Variants in VWA5B2 observed in about 807,000 individuals in gnomAD.
VWA5B2 encodes the protein von Willebrand factor A domain containing 5B2.
In VWA5B2, 93 loss-of-function variants were observed where a neutral mutation model predicts 118.5. That is an observed-to-expected ratio of 0.79 (90% CI 0.66 to 0.93). VWA5B2 has a LOEUF of 0.93. Among genes scored for constraint, VWA5B2 ranks in the 40% least tolerant of loss-of-function variants. The pLI is 0.00. For missense variants in VWA5B2, 1,546 were observed against 1,672.8 expected (o/e 0.92, Z 1.32); for synonymous variants, 708 against 716.3 (o/e 0.99, Z 0.19).
rs899414146 is a variant in VWA5B2 at position 184,230,520 on chromosome 3, C to T, written c.-9C>T. 6 of 1,460,988 alleles carry T rather than the reference C, an allele frequency of 4.1e-6. No individual in the cohort carries two copies. The highest frequency in any genetic ancestry group is 4.8e-4 in the Middle Eastern group (2 of 4,180). 90.5% of individuals were successfully genotyped at this position (1,460,988 alleles called of 1,614,324 possible). ...CGGCCCGTTCCCGCAGGGCCGGCCT[C>T]CCGGCGCCATGCCCGGCCTGTACTG... On this transcript the variant is annotated 5_prime_UTR_variant, in exon 2 of 20. Coordinates refer to ENST00000691901, the MANE Select transcript of VWA5B2 (RefSeq NM_001390846.1).
Position 184,241,728 on chromosome 3 carries a change from T to A in VWA5B2, c.3419T>A (p.Val1140Glu). The A allele has an allele frequency of 6.7e-7, 1 of 1,495,840 alleles. No individual in the cohort carries two copies. Among genetic ancestry groups the A allele is most frequent in the African/African-American group, 1.4e-5 (1 of 72,114 alleles). 92.7% of individuals were successfully genotyped at this position (1,495,840 alleles called of 1,614,324 possible). ...TCGGGCTCTGAGGGGCCAGGCCAGGTGGACAGTGGGCGGGGCTCAGACACC... is the reference window on the plus strand; with the variant it reads ...TCGGGCTCTGAGGGGCCAGGCCAGGAGGACAGTGGGCGGGGCTCAGACACC... Reference protein sequence around the residue: ...PSSGSEGPGQVDSGRGSDTEA... With the variant: ...PSSGSEGPGQEDSGRGSDTEA... Residue 1140 changes from valine to glutamate, a missense_variant, in exon 20 of 20, where the codon GTG becomes GAG. Physicochemically the swap from Val to Glu is moderately radical, Grantham distance 121 (BLOSUM62 -2). Around this residue, in one of 3 missense-constraint regions of VWA5B2, gnomAD observed 763 missense variants for 766.6 expected, o/e 1.00. Coordinates refer to ENST00000691901, the MANE Select transcript of VWA5B2 (RefSeq NM_001390846.1). This position sits in a 1 kb window ranked among gnomAD's most constrained non-coding sequence, Gnocchi z 5.1.
In VWA5B2 at chr3:184,234,267, C is replaced by T. The variant is rs779132754; in HGVS notation, c.690C>T (p.Gly230=). ...CCTTCCTGCCTCTATGTCCCTCAGG[C>T]CTGGAGAGCCCCTCTCATGCTCTGC... ...MLVTGPCLLA[G]LESPSHALRA... Residue 230 remains glycine, a splice_region_variant and synonymous_variant, in exon 6 of 20, where the codon GGC becomes GGT. Coordinates refer to ENST00000691901, the MANE Select transcript of VWA5B2 (RefSeq NM_001390846.1). 48 of 1,551,548 alleles carry T rather than the reference C, an allele frequency of 3.1e-5. No individual in the cohort carries two copies. The highest frequency in any genetic ancestry group is 3.5e-5 in the Non-Finnish European group (40 of 1,146,996).
rs1664368915 is a variant in VWA5B2 at position 184,239,754 on chromosome 3, GCT to G, written c.2459_2460del (p.Ala820GlyfsTer4). On this transcript the variant is annotated frameshift_variant, in exon 16 of 20. Coordinates refer to ENST00000691901, the MANE Select transcript of VWA5B2 (RefSeq NM_001390846.1). LOFTEE classifies it high-confidence loss of function. The surrounding 1 kb of genome is among the most constrained non-coding windows in gnomAD (Gnocchi z 5.1). ...GATGGAACCACCCTTCTTATTCACG[GCT>G]GTGCCTCCTAGTGGGGAGTTGGCCC... is the stretch of plus-strand genomic sequence containing the variant. ...MLMEPPFLFTAVPPSGELAPP... is the reference protein window; with the variant it reads ...MLMEPPFLFTXVPPSGELAPP... 6.6e-7 allele frequency: 1 copy of G among 1,520,574 alleles called. No individual in the cohort carries two copies. The highest frequency in any genetic ancestry group is 1.3e-5 in the South Asian group (1 of 79,836). 94.2% of individuals were successfully genotyped at this position (1,520,574 alleles called of 1,614,324 possible). A position where few individuals can be genotyped will look rare whatever the true frequency, so the allele number is the denominator to read the frequency against.
In VWA5B2 at chr3:184,241,622, G is replaced by C; in HGVS notation, c.3313G>C (p.Ala1105Pro). ...VHRASLSPTS[A>P]SLPWALLGPG... ...CCGCGCCAGCCTCAGCCCCACCTCG[G>C]CCTCATTGCCCTGGGCACTTCTGGG... is the stretch of plus-strand genomic sequence containing the variant. The change falls in exon 20 of 20, where the codon GCC becomes CCC. Residue 1105 changes from alanine to proline, a missense_variant. This residue lies in a region of VWA5B2 where 763 missense variants were observed against 766.6 expected (regional missense o/e 1.00). Coordinates refer to ENST00000691901, the MANE Select transcript of VWA5B2 (RefSeq NM_001390846.1). This position sits in a 1 kb window ranked among gnomAD's most constrained non-coding sequence, Gnocchi z 5.1. 1 of 1,542,020 alleles carries C rather than the reference G, an allele frequency of 6.5e-7. No individual in the cohort carries two copies. The highest frequency in any genetic ancestry group is 2.4e-5 in the East Asian group (1 of 40,898).
chr3:184,242,145 G>C lies in VWA5B2; in HGVS notation c.*107G>C. On this transcript the variant is annotated 3_prime_UTR_variant, in exon 20 of 20. Coordinates refer to ENST00000691901, the MANE Select transcript of VWA5B2 (RefSeq NM_001390846.1). ...GGAAAGTGTAGGCTGGTGCCAGCCT[G>C]TCCCCCACTGCTTCTTACTCCCTCC... 1 of 1,345,078 alleles carries C rather than the reference G, an allele frequency of 7.4e-7. No individual in the cohort carries two copies. Among genetic ancestry groups the C allele is most frequent in the Non-Finnish European group, 1.0e-6 (1 of 991,256 alleles). 83.3% of individuals were successfully genotyped at this position (1,345,078 alleles called of 1,614,324 possible).
In VWA5B2 at chr3:184,230,930, C is replaced by G; in HGVS notation, c.310+13C>G. ...CGCTGCGCGCAGGGTGAGTTCCGCG[C>G]GCCCGCACCCGCGCTCCTGAAAGCC... is the stretch of plus-strand genomic sequence containing the variant. On this transcript the variant is annotated intron_variant, in intron 3 of 19. Coordinates refer to ENST00000691901, the MANE Select transcript of VWA5B2 (RefSeq NM_001390846.1). The G allele has an allele frequency of 8.3e-7, 1 of 1,211,744 alleles. No individual in the cohort carries two copies. The highest frequency in any genetic ancestry group is 1.0e-6 in the Non-Finnish European group (1 of 975,276). The allele number at this position is 1,211,744 out of a possible 1,614,324, so 75.1% of individuals were successfully genotyped here.
chr3:184,236,601 C>G, intron 10 of VWA5B2, 37 bp from the exon 11 acceptor site: 2 of 1,548,480 alleles, frequency 1.3e-6, no homozygotes, highest in Admixed American at 2.0e-5. Flanking sequence ...CCACAAGGGG[C>G]TCCTGAAGAT....
Position 184,237,320 on chromosome 3 carries a change from C to G in VWA5B2, c.1628C>G (p.Pro543Arg). 3 of 1,551,460 alleles carry G rather than the reference C, an allele frequency of 1.9e-6. No individual in the cohort carries two copies. The highest frequency in any genetic ancestry group is 2.6e-6 in the Non-Finnish European group (3 of 1,146,992). The change falls in exon 12 of 20, where the codon CCC becomes CGC. Residue 543 changes from proline (P) to arginine (R), a missense_variant. Pro to Arg is a moderately radical substitution (Grantham distance 103, BLOSUM62 -2). This residue lies in a region of VWA5B2 where 775 missense variants were observed against 882.3 expected (regional missense o/e 0.88). Coordinates refer to ENST00000691901, the MANE Select transcript of VWA5B2 (RefSeq NM_001390846.1). This position sits in a 1 kb window ranked among gnomAD's most constrained non-coding sequence, Gnocchi z 5.6. ...VPDTVEALLTPREIPALYPGD... is the reference protein window; with the variant it reads ...VPDTVEALLTRREIPALYPGD... ...GACACTGTGGAGGCACTGCTGACCC[C>G]CCGGGAGATCCCAGCACTCTACCCT...
In VWA5B2 at chr3:184,239,614, G is replaced by T; in HGVS notation, c.2392+31G>T. The T allele has an allele frequency of 6.7e-7, 1 of 1,486,882 alleles. No individual in the cohort carries two copies. Among genetic ancestry groups the T allele is most frequent in the South Asian group, 1.3e-5 (1 of 74,328 alleles). The allele number at this position is 1,486,882 out of a possible 1,614,324, so 92.1% of individuals were successfully genotyped here. A position where few individuals can be genotyped will look rare whatever the true frequency, so the allele number is the denominator to read the frequency against. ...TGTTGGATGGGGAGCTGGTTTCCCT[G>T]ACACCAAAGAGGCCTTGGGGAGGTA... On this transcript the variant is annotated intron_variant, in intron 15 of 19. Transcript: ENST00000691901. The surrounding 1 kb of genome is among the most constrained non-coding windows in gnomAD (Gnocchi z 5.1).
chr3:184,234,771 C>T lies in VWA5B2; in HGVS notation c.945+16C>T, dbSNP rs772228801. ...GGACCGGCAGGTACCGCCATAGGAG[C>T]CTGGCCTGGCCCCTGGCCTTGGCTG... On this transcript the variant is annotated intron_variant, in intron 7 of 19. Transcript: ENST00000691901. The T allele has an allele frequency of 7.1e-6, 11 of 1,550,700 alleles. No individual in the cohort carries two copies. In the South Asian group the frequency reaches 1.3e-4, roughly 18 times the overall value.
rs1023712710 is a variant in VWA5B2, at chr3:184,241,541, G to A, written c.3232G>A (p.Ala1078Thr). The change falls in exon 20 of 20, where the codon GCC becomes ACC. Residue 1078 changes from alanine to threonine, a missense_variant. Ala to Thr is a moderately conservative substitution (Grantham distance 58, BLOSUM62 0). This residue lies in a region of VWA5B2 where 763 missense variants were observed against 766.6 expected (regional missense o/e 1.00). Transcript: ENST00000691901. This position sits in a 1 kb window ranked among gnomAD's most constrained non-coding sequence, Gnocchi z 5.1. ...CTTCCGCCTGGACGCGCCCTTCTGC[G>A]CCGCTGTGCGCATCTCGCAGGAGCG... Reference protein sequence around the residue: ...GSFRLDAPFCAAVRISQERLC... With the variant: ...GSFRLDAPFCTAVRISQERLC... 6 of 1,549,780 alleles carry A rather than the reference G, an allele frequency of 3.9e-6. No individual in the cohort carries two copies. Among genetic ancestry groups the A allele is most frequent in the Non-Finnish European group, 3.5e-6 (4 of 1,146,756 alleles).
Position 184,239,251 on chromosome 3 carries a change from C to A in VWA5B2, c.2203-143C>A. 1.2e-6 allele frequency: 1 copy of A among 869,500 alleles called. No homozygotes were observed. The highest frequency in any genetic ancestry group is 1.7e-6 in the Non-Finnish European group (1 of 600,330). The allele number at this position is 869,500 out of a possible 1,614,324, so 53.9% of individuals were successfully genotyped here. On this transcript the variant is annotated intron_variant, in intron 14 of 19. Transcript: ENST00000691901. The surrounding 1 kb of genome is among the most constrained non-coding windows in gnomAD (Gnocchi z 5.1). ...GCCAAGGCCAGAGGTCACTGTAGGC[C>A]ATAAGGAACTTGGCCTTCCTCCTCA...
intron 16 of VWA5B2, chr3:184,240,536 C>G: frequency 1.9e-6 from 1 of 534,722 alleles, no homozygotes; most frequent in Non-Finnish European, 3.3e-6. Flanking sequence ...CCAGCTAATG[C>G]TTCCTCTGGG....
At position 184,238,735 on chromosome 3, in the gene VWA5B2, C is replaced by G. The variant is rs538979401; in HGVS notation, c.2064C>G (p.Gly688=). 1.3e-5 allele frequency: 20 copies of G among 1,551,022 alleles called. No individual in the cohort carries two copies. The highest frequency in any genetic ancestry group is 1.4e-5 in the Non-Finnish European group (16 of 1,146,986). Residue 688 remains glycine, a synonymous_variant, in exon 14 of 20, where the codon GGC becomes GGG. Transcript: ENST00000691901. This position sits in a 1 kb window ranked among gnomAD's most constrained non-coding sequence, Gnocchi z 5.0. Reference sequence around the variant, plus strand: ...CCACAGGCAGCAGTGAGTCCCCAGGCTCACAGGGCCCTGGCTCCCCCGAAG... The same window carrying G: ...CCACAGGCAGCAGTGAGTCCCCAGGGTCACAGGGCCCTGGCTCCCCCGAAG... ...PGSTGSSESP[G]SQGPGSPEGS...
At position 184,238,072 on chromosome 3, in the gene VWA5B2, CTT is replaced by C. The variant is rs374542910; in HGVS notation, c.1720-222_1720-221del. ...TTGATCATGAGAGCTGCATAACAGA[CTT>C]TTTTTTTTGCCTGGCTGCCAGGGAG... On this transcript the variant is annotated intron_variant, in intron 12 of 19. Transcript: ENST00000691901. This position sits in a 1 kb window ranked among gnomAD's most constrained non-coding sequence, Gnocchi z 5.0. Among the ~76,000 whole-genome samples, 1 of 149,164 alleles carries C rather than the reference CTT, an allele frequency of 6.7e-6. No individual in the cohort carries two copies. The highest frequency in any genetic ancestry group is 2.5e-5 in the African/African-American group (1 of 40,672).
rs955251175 is a variant in VWA5B2, at chr3:184,242,151, C to T, written c.*113C>T. 7 of 1,336,826 alleles carry T rather than the reference C, an allele frequency of 5.2e-6. No individual in the cohort carries two copies. The highest frequency in any genetic ancestry group is 7.1e-6 in the Non-Finnish European group (7 of 985,168). The allele number at this position is 1,336,826 out of a possible 1,614,324, so 82.8% of individuals were successfully genotyped here. ...TGTAGGCTGGTGCCAGCCTGTCCCC[C>T]ACTGCTTCTTACTCCCTCCCTAGAG... is the stretch of plus-strand genomic sequence containing the variant. On this transcript the variant is annotated 3_prime_UTR_variant, in exon 20 of 20. Transcript: ENST00000691901.
At position 184,235,166 on chromosome 3, in the gene VWA5B2, A is replaced by G; in HGVS notation, c.959A>G (p.Gln320Arg). 1.9e-6 allele frequency: 3 copies of G among 1,551,580 alleles called. No individual in the cohort carries two copies. The highest frequency in any genetic ancestry group is 2.6e-6 in the Non-Finnish European group (3 of 1,146,926). The stretch of plus-strand genomic sequence containing the variant: ...TCCCCCGCTCAGGTGTGGTTCCTGC[A>G]GCGACGCTTCCACAAGGACATCCTG... The part of the protein sequence containing the change: ...SDGDRQVWFL[Q>R]RRFHKDILLN... Residue 320 changes from glutamine to arginine, a missense_variant, in exon 8 of 20, where the codon CAG (glutamine) becomes CGG (arginine). Gln to Arg is a conservative substitution (Grantham distance 43). Around this residue, in one of 3 missense-constraint regions of VWA5B2, gnomAD observed 775 missense variants for 882.3 expected, o/e 0.88. Transcript: ENST00000691901.
At position 184,239,680 on chromosome 3, in the gene VWA5B2, CCTCCCCAGGAAACCTGCT is replaced by C; in HGVS notation, c.2393_2410del (p.Gly798_Pro803del). The C allele has an allele frequency of 6.8e-7, 1 of 1,464,870 alleles. No individual in the cohort carries two copies. Among genetic ancestry groups the C allele is most frequent in the African/African-American group, 1.4e-5 (1 of 70,646 alleles). The allele number at this position is 1,464,870 out of a possible 1,614,324, so 90.7% of individuals were successfully genotyped here. A position where few individuals can be genotyped will look rare whatever the true frequency, so the allele number is the denominator to read the frequency against. Reference sequence around the variant, plus strand: ...CTCTGCCCATGCCCCTGCTGTCTTGCCTCCCCAGGAAACCTGCTCTCCCCAGCCCCTATGGACTGGGAC... The same window carrying C: ...CTCTGCCCATGCCCCTGCTGTCTTGCCTCCCCAGCCCCTATGGACTGGGAC... On this transcript the variant is annotated splice_acceptor_variant and splice_polypyrimidine_tract_variant and coding_sequence_variant and intron_variant, in exon 16 of 20. Transcript: ENST00000691901. LOFTEE classifies it high-confidence loss of function. This position sits in a 1 kb window ranked among gnomAD's most constrained non-coding sequence, Gnocchi z 5.1.
chr3:184,241,035 C>T lies in VWA5B2; in HGVS notation c.2890C>T (p.Pro964Ser), dbSNP rs770353685. Residue 964 changes from proline (P) to serine (S), a missense_variant, in exon 18 of 20, where the codon CCC (proline) becomes TCC (serine). Pro to Ser is a moderately conservative substitution (Grantham distance 74, BLOSUM62 -1). Around this residue, in one of 3 missense-constraint regions of VWA5B2, gnomAD observed 763 missense variants for 766.6 expected, o/e 1.00. Transcript: ENST00000691901. The surrounding 1 kb of genome is among the most constrained non-coding windows in gnomAD (Gnocchi z 5.1). ...LQVCSSEPAE[P>S]PGTPPASHSH... ...ATGTGCCCCTGCAGAGCCCGCTGAG[C>T]CCCCAGGAACCCCTCCTGCCTCTCA... The T allele has an allele frequency of 4.5e-6, 7 of 1,551,504 alleles. No homozygotes were observed. The highest frequency in any genetic ancestry group is 3.3e-4 in the Middle Eastern group (2 of 6,014).
Sources: allele counts gnomAD v4.1 joint callset (sites outside exome capture counted in the v4.1 genomes callset), GRCh38; gene constraint gnomAD v4.1.1; regional missense constraint gnomAD v4.1.1; non-coding constraint Gnocchi (gnomAD v3.1); transcripts MANE v1.5; gene names NCBI Gene and HGNC (gene_info 2026-07-23, HGNC 2026-07-21).